Variants in USP32 observed in about 807,000 individuals in gnomAD.
USP32 encodes ubiquitin specific peptidase 32, also known as ubiquitin carboxyl-terminal hydrolase 32.
USP32 carries 59 observed loss-of-function variants against 204.8 expected under a neutral mutation model. That is an observed-to-expected ratio of 0.29 (90% CI 0.23 to 0.36). The LOEUF (loss-of-function observed/expected upper bound fraction) is 0.36, where lower values mean the gene tolerates loss of function less well. Among genes scored for constraint, USP32 ranks in the 10% least tolerant of loss-of-function variants. USP32 has a pLI of 1.00. For synonymous variants in USP32, 517 were observed against 678.4 expected (o/e 0.76, Z 3.70); for missense variants, 1,160 against 1,946.4 (o/e 0.60, Z 7.60).
At chr17:60,204,492 A>G (rs1181537198) in intron 26 of USP32, among the ~76,000 whole-genome samples, 1 of 147,694 alleles carries the variant, frequency 6.8e-6, no homozygotes, top group Admixed American at 6.8e-5. Context: ...TTTTTGAGAC[A>G]AAGTCTCACT....
intron 1 of USP32, among the ~76,000 whole-genome samples, chr17:60,372,023 T>C (rs1466562787): frequency 6.6e-6 from 1 of 152,156 alleles, no homozygotes; most frequent in Non-Finnish European, 1.5e-5. Context: ...AAAATTACCA[T>C]ATAACTATTG....
In USP32 at chr17:60,294,756, C is replaced by A. The variant is rs2087384591; in HGVS notation, c.338G>T (p.Arg113Leu). 1 of 1,612,182 alleles carries A rather than the reference C, an allele frequency of 6.2e-7. No homozygotes were observed. Among genetic ancestry groups the A allele is most frequent in the Non-Finnish European group, 8.5e-7 (1 of 1,178,944 alleles). Reference sequence around the variant, plus strand: ...GTGGAGCATTCTTTCCATTTCTTCCCGTATAACATAGTTCCCAGATTCACT... The same window carrying A: ...GTGGAGCATTCTTTCCATTTCTTCCAGTATAACATAGTTCCCAGATTCACT... ...FSSESGNYVI[R>L]EEMERMLHVV... The change falls in exon 4 of 34, where the codon CGG becomes CTG. Residue 113 changes from arginine to leucine, a missense_variant. Physicochemically the swap from Arg to Leu is moderately radical, Grantham distance 102. Transcript: ENST00000300896.
In USP32 at chr17:60,217,259, A is replaced by G. The variant is rs2085126954; in HGVS notation, c.1867+2411T>C. Among the ~76,000 whole-genome samples the G allele has an allele frequency of 2.0e-5, 3 of 152,192 alleles. No homozygotes were observed. The South Asian group carries it at 6.2e-4, about 32-fold the overall frequency. On this transcript the variant is annotated intron_variant, in intron 16 of 33. Transcript: ENST00000300896. ...CAAGAGTTACAAAGAATACCTACTA[A>G]AAGTGCAACAACACATCTTGCCTCT...
Position 60,201,660 on chromosome 17 carries a change from AT to A in USP32, c.3250-3217del, listed in dbSNP as rs1278896872. 7.6e-3 allele frequency among the ~76,000 whole-genome samples: 1,049 copies of A among 137,432 alleles called. 7 individuals are homozygous for A. The highest frequency in any genetic ancestry group is 0.022 in the African/African-American group (830 of 37,950). 90.2% of individuals were successfully genotyped at this position (137,432 alleles called of 152,430 possible). ...TCACTGATTACTAGTGTCGTTGATC[AT>A]TTTTTTTTTTTTTTTGAGACGGAGT... On this transcript the variant is annotated intron_variant, in intron 26 of 33. Coordinates refer to ENST00000300896, the MANE Select transcript of USP32 (RefSeq NM_032582.4).
At chr17:60,194,473 G>A (rs1185675048) in intron 27 of USP32, among the ~76,000 whole-genome samples, 2 of 152,130 alleles carry the variant, frequency 1.3e-5, no homozygotes, top group Admixed American at 6.5e-5. Context: ...TTTGTAGCAT[G>A]TGCTACTGAA....
intron 32 of USP32, 149 bp from the exon 33 acceptor site, chr17:60,180,786 C>T: frequency 1.4e-6 from 1 of 711,378 alleles, no homozygotes; most frequent in East Asian, 2.9e-5. Context: ...TTTCTAAAAC[C>T]AAAATAAGCA....
intron 7 of USP32, among the ~76,000 whole-genome samples, chr17:60,266,722 C>G (rs1364686932): frequency 1.3e-5 from 2 of 149,330 alleles, no homozygotes; most frequent in Admixed American, 6.7e-5. Flanking sequence ...GTGGAATGAT[C>G]TCAGGTCACT....
rs34842511 is a variant in USP32 at position 60,244,029 on chromosome 17, G to GTTTTTTTTTT, written c.1137-7799_1137-7790dup. Reference sequence around the variant, plus strand: ...TTTGAATCTCAAGTAGCTGGATTGTGTTTTTTTTTTTTTTTTTTTTTTTTG... The same window carrying GTTTTTTTTTT: ...TTTGAATCTCAAGTAGCTGGATTGTGTTTTTTTTTTTTTTTTTTTTTTTTTTTTTTTTTTG... On this transcript the variant is annotated intron_variant, in intron 11 of 33. Coordinates refer to ENST00000300896, the MANE Select transcript of USP32 (RefSeq NM_032582.4). Among the ~76,000 whole-genome samples the GTTTTTTTTTT allele has an allele frequency of 9.8e-4, 70 of 71,690 alleles. 11 individuals carry two copies. The highest frequency in any genetic ancestry group is 4.7e-3 in the African/African-American group (66 of 14,180). The allele number at this position is 71,690 out of a possible 152,430, so 47.0% of individuals were successfully genotyped here. A position where few individuals can be genotyped will look rare whatever the true frequency, so the allele number is the denominator to read the frequency against.
At chr17:60,369,605 C>G (rs2089397959) in intron 1 of USP32, among the ~76,000 whole-genome samples, 1 of 152,000 alleles carries the variant, frequency 6.6e-6, no homozygotes, top group South Asian at 2.1e-4. Flanking sequence ...ATTGGCAGAT[C>G]TGACATATAC....
At chr17:60,189,660 T>C (rs1485604506) in intron 29 of USP32, among the ~76,000 whole-genome samples, 1 of 152,176 alleles carries the variant, frequency 6.6e-6, no homozygotes, top group African/African-American at 2.4e-5. Context: ...GGCCAGACAG[T>C]GACAATAGAA....
In USP32 at chr17:60,255,280, T is replaced by C. The variant is rs377420779; in HGVS notation, c.991-22A>G. ...CCATCTGAAACAGAGACACTCATGT[T>C]AGGAACATCTTTTTTTTCTTTTTTT... On this transcript the variant is annotated intron_variant, in intron 9 of 33. Transcript: ENST00000300896. The C allele has an allele frequency of 1.3e-5, 20 of 1,555,562 alleles. No homozygotes were observed. The African/African-American group carries it at 2.7e-4, about 21-fold the overall frequency.
At chr17:60,329,485 T>A (rs906161610) in intron 2 of USP32, among the ~76,000 whole-genome samples, 1 of 150,782 alleles carries the variant, frequency 6.6e-6, no homozygotes, top group Admixed American at 6.6e-5. Context: ...TATTTATTTT[T>A]TTTTTTTGAG....
intron 15 of USP32, among the ~76,000 whole-genome samples, chr17:60,220,314 C>T (rs1320254489): frequency 6.6e-6 from 1 of 152,066 alleles, no homozygotes; most frequent in African/African-American, 2.4e-5. Context: ...TTAAAAACAT[C>T]CACATTTCGT....
chr17:60,227,922 G>T (rs1248743793), intron 12 of USP32, among the ~76,000 whole-genome samples: 1 of 151,948 alleles, frequency 6.6e-6, no homozygotes, highest in Admixed American at 6.6e-5. Flanking sequence ...TGAGAAAAAT[G>T]GTGACCATAG....
At chr17:60,414,076 T>G (rs1478825942) in intron 1 of USP32, among the ~76,000 whole-genome samples, 2 of 151,894 alleles carry the variant, frequency 1.3e-5, no homozygotes, top group African/African-American at 2.4e-5. Context: ...TATTAAGATG[T>G]TATCGGCTGG....
chr17:60,354,561 G>A (rs1320558131), intron 1 of USP32, among the ~76,000 whole-genome samples: 1 of 152,116 alleles, frequency 6.6e-6, no homozygotes, highest in African/African-American at 2.4e-5. Flanking sequence ...TGGTGCAGCT[G>A]ATCTGAAGTA....
chr17:60,292,452 C>A (rs1194914242), intron 4 of USP32, among the ~76,000 whole-genome samples: 1 of 152,122 alleles, frequency 6.6e-6, no homozygotes, highest in Non-Finnish European at 1.5e-5. Flanking sequence ...AACCCCCTAA[C>A]CTGCTTCTCC....
At chr17:60,202,925 A>G (rs1365813816) in intron 26 of USP32, among the ~76,000 whole-genome samples, 1 of 149,864 alleles carries the variant, frequency 6.7e-6, no homozygotes, top group Non-Finnish European at 1.5e-5. Flanking sequence ...TATCAGAGAA[A>G]GACAGAGAGA....
intron 1 of USP32, among the ~76,000 whole-genome samples, chr17:60,352,460 T>C (rs2088971388): frequency 6.6e-6 from 1 of 152,188 alleles, no homozygotes; most frequent in African/African-American, 2.4e-5. Flanking sequence ...ACCTCCAGAT[T>C]TACGTGTGAG....
Sources: gnomAD v4.1 joint callset for allele counts (sites outside exome capture counted in the v4.1 genomes callset) on GRCh38, gnomAD v4.1.1 for gene constraint, MANE v1.5 for transcripts, NCBI Gene and HGNC (gene_info 2026-07-23, HGNC 2026-07-21) for gene names.